The following HEATR5B variants were observed in gnomAD, a reference collection of about 807,000 sequenced individuals.
HEATR5B encodes HEAT repeat-containing protein 5B.
HEATR5B carries 156 observed loss-of-function variants against 224.1 expected under a neutral mutation model. That is an observed-to-expected ratio of 0.70 (90% CI 0.61 to 0.80). The LOEUF is 0.80. Among genes scored for constraint, HEATR5B ranks in the 30% least tolerant of loss-of-function variants. The probability of loss-of-function intolerance (pLI) is 0.00; values close to 1 mark genes in which losing one functional copy is unlikely to be tolerated. For missense variants in HEATR5B, 2,323 were observed against 2,535.5 expected, an observed-to-expected ratio of 0.92 and a Z score of 1.80; for synonymous variants, 1,027 against 893.0, an observed-to-expected ratio of 1.15 and a Z score of -2.68.
chr2:37,018,063 C>A (rs918657609), intron 26 of HEATR5B, among the ~76,000 whole-genome samples: 3 of 152,008 alleles, frequency 2.0e-5, no homozygotes, highest in Non-Finnish European at 4.4e-5. Flanking sequence ...TAAGCCAACT[C>A]CTTACTTTCC....
chr2:36,988,953 A>G (rs961016042), intron 34 of HEATR5B, 94 bp from the exon 35 acceptor site: 1 of 866,102 alleles, frequency 1.2e-6, no homozygotes, highest in East Asian at 2.6e-5. Context: ...AAAATAAGTG[A>G]TACTGCAGGA....
chr2:37,040,426 G>A lies in HEATR5B; in HGVS notation c.2949C>T (p.Thr983=), dbSNP rs1263289476. The A allele has an allele frequency of 6.2e-7, 1 of 1,613,748 alleles. No homozygotes were observed. Among genetic ancestry groups the A allele is most frequent in the Admixed American group, 1.7e-5 (1 of 59,968 alleles). ...GTGAAGGCGGAACTGTCAACAGCAA[G>A]GTAAGAACTAGAGATAATGTTGGTT... ...YVEPTLSLVL[T]LLLTVPPSHT... Residue 983 remains threonine (T), a synonymous_variant, in exon 20 of 36, where the codon ACC becomes ACT. Coordinates refer to ENST00000233099, the MANE Select transcript of HEATR5B (RefSeq NM_019024.3).
chr2:37,014,491 T>A (rs556310211), intron 26 of HEATR5B, among the ~76,000 whole-genome samples: 2 of 152,078 alleles, frequency 1.3e-5, no homozygotes, highest in African/African-American at 4.8e-5. Context: ...ATGGTAAGCA[T>A]AGATTTTATT....
chr2:37,028,995 C>A, intron 22 of HEATR5B, 75 bp from the exon 23 acceptor site: 2 of 1,422,862 alleles, frequency 1.4e-6, no homozygotes, highest in South Asian at 2.6e-5. Context: ...TGATAAAGAC[C>A]AAGTCTTACA....
intron 35 of HEATR5B, among the ~76,000 whole-genome samples, chr2:36,983,349 G>A (rs1665708783): frequency 6.9e-6 from 1 of 145,474 alleles, no homozygotes; most frequent in Non-Finnish European, 1.5e-5. Flanking sequence ...CCAACATGGA[G>A]AAACCCTATC....
At position 37,058,980 on chromosome 2, in the gene HEATR5B, C is replaced by T. The variant is rs1200197933; in HGVS notation, c.1857G>A (p.Arg619=). ...EGRAGALCAM[R]SFVAHCPELL... is the part of the protein sequence containing the mutation. ...GCTCAGGACAATGTGCAACGAAGCT[C>T]CTCATGGCTAGATAAAATGTTTAAA... Residue 619 remains arginine (R), a synonymous_variant, in exon 13 of 36, where the codon AGG becomes AGA. Transcript: ENST00000233099. The T allele has an allele frequency of 6.9e-6, 11 of 1,601,910 alleles. No homozygotes were observed. The Middle Eastern group carries it at 6.6e-4, about 96-fold the overall frequency.
rs550715957 is a variant in HEATR5B at position 37,070,786 on chromosome 2, T to C, written c.770-399A>G. On this transcript the variant is annotated intron_variant, in intron 6 of 35. Coordinates refer to ENST00000233099, the MANE Select transcript of HEATR5B (RefSeq NM_019024.3). Reference sequence around the variant, plus strand: ...TACAGTAGTTACCAATAGATTAAGATGTTACTGGGAATGCAACTGAATTGG... The same window carrying C: ...TACAGTAGTTACCAATAGATTAAGACGTTACTGGGAATGCAACTGAATTGG... Among the ~76,000 whole-genome samples the C allele has an allele frequency of 3.9e-5, 6 of 152,350 alleles. No homozygotes were observed. The South Asian group carries it at 1.2e-3, about 32-fold the overall frequency.
At chr2:37,038,691 T>C (rs1484887048) in intron 20 of HEATR5B, among the ~76,000 whole-genome samples, 3 of 152,118 alleles carry the variant, frequency 2.0e-5, no homozygotes, top group Admixed American at 2.0e-4. Context: ...TTCCCTATAA[T>C]ACCAGCATTT....
chr2:37,071,117 A>C (rs1671878258), intron 6 of HEATR5B, among the ~76,000 whole-genome samples: 1 of 148,456 alleles, frequency 6.7e-6, no homozygotes, highest in Admixed American at 6.8e-5. Flanking sequence ...CATAGTTAGC[A>C]CTTTAAAACA....
chr2:37,008,703 A>C lies in HEATR5B; in HGVS notation c.4430T>G (p.Leu1477Arg). The C allele has an allele frequency of 6.2e-7, 1 of 1,614,166 alleles. No individual in the cohort carries two copies. The highest frequency in any genetic ancestry group is 8.5e-7 in the Non-Finnish European group (1 of 1,180,004). ...DSLITLVQPE[L>R]PTLSRLWLAA... is the part of the protein sequence containing the mutation. ...TAACCACAGGCGACTGAGTGTTGGT[A>C]GTTCAGGTTGTACCAGTGTTATTAA... The change falls in exon 28 of 36, where the codon CTA becomes CGA. Residue 1477 changes from leucine to arginine, a missense_variant. Coordinates refer to ENST00000233099, the MANE Select transcript of HEATR5B (RefSeq NM_019024.3).
intron 33 of HEATR5B, 30 bp from the exon 34 acceptor site, chr2:36,990,829 G>C: frequency 6.6e-7 from 1 of 1,522,378 alleles, no homozygotes. Context: ...GAAGTGTGCT[G>C]TTTCTAAAAC....
intron 33 of HEATR5B, among the ~76,000 whole-genome samples, chr2:36,994,198 C>CAA (rs1666531719): frequency 6.6e-6 from 1 of 152,056 alleles, no homozygotes; most frequent in Non-Finnish European, 1.5e-5. Flanking sequence ...CCAGGTGTGG[C>CAA]AAAATGTTGA....
At chr2:37,029,454 A>T (rs1156292162) in intron 22 of HEATR5B, among the ~76,000 whole-genome samples, 4 of 151,872 alleles carry the variant, frequency 2.6e-5, no homozygotes, top group African/African-American at 9.7e-5. Flanking sequence ...ACCTGAGATC[A>T]GGAGTTCGAG....
chr2:37,030,312 C>T (rs1391835431), intron 22 of HEATR5B, among the ~76,000 whole-genome samples: 3 of 152,090 alleles, frequency 2.0e-5, no homozygotes, highest in Non-Finnish European at 2.9e-5. Context: ...AAAGAGAACA[C>T]TAGGAAGAGA....
At chr2:36,985,804 C>A (rs952180451) in intron 35 of HEATR5B, among the ~76,000 whole-genome samples, 2 of 151,902 alleles carry the variant, frequency 1.3e-5, no homozygotes, top group African/African-American at 2.4e-5. Context: ...AATAATGCTA[C>A]AAATTGGTCT....
At chr2:37,054,254 G>C (rs1290204400) in intron 16 of HEATR5B, among the ~76,000 whole-genome samples, 1 of 145,620 alleles carries the variant, frequency 6.9e-6, no homozygotes, top group Non-Finnish European at 1.5e-5. Flanking sequence ...GAGTGCAATG[G>C]CGCGATCTCG....
intron 35 of HEATR5B, among the ~76,000 whole-genome samples, chr2:36,986,353 C>T (rs1665947585): frequency 6.6e-6 from 1 of 152,142 alleles, no homozygotes; most frequent in Non-Finnish European, 1.5e-5. Context: ...ATACTTGCTT[C>T]TTTTCTTTTG....
Position 37,005,747 on chromosome 2 carries a change from T to C in HEATR5B, c.4790A>G (p.Gln1597Arg), listed in dbSNP as rs772515310. 1.9e-6 allele frequency: 3 copies of C among 1,591,352 alleles called. No homozygotes were observed. The highest frequency in any genetic ancestry group is 2.6e-6 in the Non-Finnish European group (3 of 1,173,172). The part of the protein sequence containing the change: ...RMHLILGVSI[Q>R]FLCSPRPEEP... ...CTCAGGTCTAGGGGAACAAAGAAAC[T>C]GTATACTCACACCTGAAATGCACAA... The change falls in exon 30 of 36, where the codon CAG becomes CGG. Residue 1597 changes from glutamine (Q) to arginine (R), a missense_variant. Gln to Arg is a conservative substitution (Grantham distance 43, BLOSUM62 1). Coordinates refer to ENST00000233099, the MANE Select transcript of HEATR5B (RefSeq NM_019024.3).
chr2:36,997,628 G>A (rs907283327), intron 33 of HEATR5B, among the ~76,000 whole-genome samples: 21 of 147,354 alleles, frequency 1.4e-4, no homozygotes, highest in South Asian at 1.3e-3. Flanking sequence ...GTGCAGTGGC[G>A]CGATCTCGGC....
Sources: allele counts gnomAD v4.1 joint callset (sites outside exome capture counted in the v4.1 genomes callset), GRCh38; gene constraint gnomAD v4.1.1; transcripts MANE v1.5; gene names NCBI Gene and HGNC (gene_info 2026-07-23, HGNC 2026-07-21).